Variants in SMG7 observed in about 807,000 individuals in gnomAD.
The protein encoded by SMG7 is nonsense-mediated mRNA decay factor SMG7.
In SMG7, 34 loss-of-function variants were observed where a neutral mutation model predicts 148.2. The observed-to-expected ratio is 0.23, with a 90% CI of 0.17 to 0.31. The LOEUF (loss-of-function observed/expected upper bound fraction) is 0.31, where lower values mean the gene tolerates loss of function less well. Among genes scored for constraint, SMG7 ranks in the 10% least tolerant of loss-of-function variants. The pLI is 1.00. For synonymous variants in SMG7, 492 were observed against 515.1 expected (o/e 0.96, Z 0.61); for missense variants, 1,114 against 1,408.4 (o/e 0.79, Z 3.35).
At chr1:183,515,823 A>G in intron 2 of SMG7, 51 bp from the exon 3 acceptor site, 1 of 1,187,648 alleles carries the variant, frequency 8.4e-7, no homozygotes, top group Non-Finnish European at 1.2e-6. Context: ...TAATGGTTTT[A>G]ACTGCTGGGG....
intron 18 of SMG7, 123 bp from the exon 19 acceptor site, chr1:183,549,085 C>A: frequency 1.5e-6 from 1 of 681,952 alleles, no homozygotes; most frequent in Non-Finnish European, 2.5e-6. Context: ...ATCTTCTGAG[C>A]CTCAAATTGT....
At chr1:183,502,423 G>GT in intron 1 of SMG7, 1 of 1,497,910 alleles carries the variant, frequency 6.7e-7, no homozygotes, top group African/African-American at 1.4e-5. Flanking sequence ...ATTTCTACAT[G>GT]TTTTTATTCC....
chr1:183,553,011 A>G lies in SMG7; in HGVS notation c.*1080A>G. 6.5e-7 allele frequency: 1 copy of G among 1,536,314 alleles called. No homozygotes were observed. Among genetic ancestry groups the G allele is most frequent in the Non-Finnish European group, 8.7e-7 (1 of 1,146,924 alleles). On this transcript the variant is annotated 3_prime_UTR_variant, in exon 23 of 23. Transcript: ENST00000688051. ...CATGGGGTCCAGCAGTTGGGGCCCA[A>G]AAGACAGTCTGAAGAGGAAGGAAGC...
Position 183,547,122 on chromosome 1 carries a change from T to G in SMG7, c.2762T>G (p.Leu921Arg). Residue 921 changes from leucine to arginine, a missense_variant, in exon 18 of 23, where the codon CTG becomes CGG. Coordinates refer to ENST00000688051, the MANE Select transcript of SMG7 (RefSeq NM_001375584.1). ...MPFEDPKSSP[L>R]LPPDLLKSLA... ...CACTAGGACCCCAAGAGCTCCCCTC[T>G]GCTTCCTCCGGACCTGTTAAAGAGT... is the stretch of plus-strand genomic sequence containing the variant. 6 of 1,550,284 alleles carry G rather than the reference T, an allele frequency of 3.9e-6. No homozygotes were observed. Among genetic ancestry groups the G allele is most frequent in the Non-Finnish European group, 5.2e-6 (6 of 1,146,778 alleles).
chr1:183,539,089 G>A (rs1176901042), intron 12 of SMG7, among the ~76,000 whole-genome samples: 2 of 152,078 alleles, frequency 1.3e-5, no homozygotes, highest in Non-Finnish European at 2.9e-5. Flanking sequence ...GGCAGAGGCT[G>A]CAGTGAGCTG....
At chr1:183,509,452 G>T (rs1661664192) in intron 1 of SMG7, among the ~76,000 whole-genome samples, 1 of 152,092 alleles carries the variant, frequency 6.6e-6, no homozygotes, top group Non-Finnish European at 1.5e-5. Flanking sequence ...GTACCTAATT[G>T]TACCTGACTG....
In SMG7 at chr1:183,532,418, G is replaced by A. The variant is rs1451496223; in HGVS notation, c.844-746G>A. On this transcript the variant is annotated intron_variant, in intron 8 of 22. Transcript: ENST00000688051. ...ATAATTGCAGATATTAAAGTAGAAG[G>A]GTAATTCCATTGAGACACCAACTGA... Among the ~76,000 whole-genome samples the A allele has an allele frequency of 2.0e-5, 3 of 152,112 alleles. No individual in the cohort carries two copies. The East Asian group carries it at 5.8e-4, about 29-fold the overall frequency.
intron 14 of SMG7, among the ~76,000 whole-genome samples, chr1:183,543,797 C>T (rs1192287755): frequency 2.0e-5 from 3 of 152,158 alleles, no homozygotes; most frequent in African/African-American, 4.8e-5. Context: ...TCTATAGGAT[C>T]TCAGGGCCTG....
chr1:183,510,870 A>G (rs1429298273), intron 1 of SMG7, among the ~76,000 whole-genome samples: 2 of 152,178 alleles, frequency 1.3e-5, no homozygotes, highest in Admixed American at 6.5e-5. Flanking sequence ...AGGCGCCTGT[A>G]GTCCCAGCTA....
At chr1:183,499,132 T>C (rs1046321604) in intron 1 of SMG7, among the ~76,000 whole-genome samples, 8 of 152,230 alleles carry the variant, frequency 5.3e-5, no homozygotes, top group East Asian at 1.9e-4. Context: ...CATAGATTAT[T>C]TATCCTTTCC....
Position 183,538,319 on chromosome 1 carries a change from A to G in SMG7, c.1235-61A>G, listed in dbSNP as rs1049509517. Reference sequence around the variant, plus strand: ...TAATTTTTAAAAAAATTTAGTGAACAGTATTCCACCAAACAACATTTTAAT... The same window carrying G: ...TAATTTTTAAAAAAATTTAGTGAACGGTATTCCACCAAACAACATTTTAAT... On this transcript the variant is annotated intron_variant, in intron 11 of 22. Transcript: ENST00000688051. The G allele has an allele frequency of 1.4e-5, 15 of 1,090,202 alleles. 1 individual carries two copies. The highest frequency in any genetic ancestry group is 7.6e-5 in the South Asian group (6 of 79,254). 67.5% of individuals were successfully genotyped at this position (1,090,202 alleles called of 1,614,324 possible).
rs752882312 is a variant in SMG7, at chr1:183,546,334, T to C, written c.2739T>C (p.Phe913=). 6.7e-5 allele frequency: 108 copies of C among 1,607,404 alleles called. 4 individuals are homozygous for C. The highest frequency in any genetic ancestry group is 1.7e-4 in the Middle Eastern group (1 of 5,772). ...PEQDPVPRMP[F]EDPKSSPLLP... Reference sequence around the variant, plus strand: ...AGGATCCTGTACCCAGAATGCCGTTTGAGGTGTGTGTTCTTTCCTATCACC... The same window carrying C: ...AGGATCCTGTACCCAGAATGCCGTTCGAGGTGTGTGTTCTTTCCTATCACC... The change falls in exon 17 of 23, where the codon TTT becomes TTC. Residue 913 remains phenylalanine, a synonymous_variant. Transcript: ENST00000688051.
chr1:183,482,496 CAG>C (rs1405880390), intron 1 of SMG7, among the ~76,000 whole-genome samples: 1 of 151,292 alleles, frequency 6.6e-6, no homozygotes, highest in Non-Finnish European at 1.5e-5. Flanking sequence ...GAAATGATGA[CAG>C]TGTTAGTGAG....
rs1276159506 is a variant in SMG7 at position 183,553,015 on chromosome 1, A to T, written c.*1084A>T. The T allele has an allele frequency of 6.5e-7, 1 of 1,536,332 alleles. No individual in the cohort carries two copies. Among genetic ancestry groups the T allele is most frequent in the African/African-American group, 1.4e-5 (1 of 73,182 alleles). On this transcript the variant is annotated 3_prime_UTR_variant, in exon 23 of 23. Coordinates refer to ENST00000688051, the MANE Select transcript of SMG7 (RefSeq NM_001375584.1). ...GGGTCCAGCAGTTGGGGCCCAAAAG[A>T]CAGTCTGAAGAGGAAGGAAGCAGCA...
intron 1 of SMG7, among the ~76,000 whole-genome samples, chr1:183,481,996 G>C (rs1192831529): frequency 6.6e-6 from 1 of 152,030 alleles, no homozygotes; most frequent in East Asian, 1.9e-4. Flanking sequence ...ATTTTAAAAG[G>C]ATGAGCAGGA....
At chr1:183,511,354 T>G (rs1571912269) in intron 1 of SMG7, among the ~76,000 whole-genome samples, 3 of 152,322 alleles carry the variant, frequency 2.0e-5, no homozygotes, top group East Asian at 1.9e-4. Flanking sequence ...AATAGGATTA[T>G]CCTTAATCTA....
At chr1:183,536,468 A>G (rs951631169) in intron 10 of SMG7, among the ~76,000 whole-genome samples, 1 of 152,150 alleles carries the variant, frequency 6.6e-6, no homozygotes, top group Admixed American at 6.5e-5. Context: ...GTAAAGTGAT[A>G]TTTATAAATC....
At position 183,503,730 on chromosome 1, in the gene SMG7, C is replaced by A. The variant is rs1041570516; in HGVS notation, c.30-9107C>A. 2.6e-5 allele frequency among the ~76,000 whole-genome samples: 4 copies of A among 152,132 alleles called. No homozygotes were observed. In the South Asian group the frequency reaches 6.2e-4, roughly 24 times the overall value. ...AACTATTCATGTCACAATCAGATTA[C>A]CCCTCCTTATTCAAATGATCATTTA... On this transcript the variant is annotated intron_variant, in intron 1 of 22. Transcript: ENST00000688051.
At chr1:183,531,107 T>C (rs1250807084) in intron 8 of SMG7, among the ~76,000 whole-genome samples, 2 of 152,154 alleles carry the variant, frequency 1.3e-5, no homozygotes, top group African/African-American at 4.8e-5. Context: ...GCTTACCCAG[T>C]GTTGAACTAG....
Sources: gnomAD v4.1 joint callset for allele counts (sites outside exome capture counted in the v4.1 genomes callset) on GRCh38, gnomAD v4.1.1 for gene constraint, MANE v1.5 for transcripts, NCBI Gene and HGNC (gene_info 2026-07-23, HGNC 2026-07-21) for gene names.